The following DCLK1 variants were observed in gnomAD, a reference collection of about 807,000 sequenced individuals.
The protein encoded by DCLK1 is serine/threonine-protein kinase DCLK1.
In DCLK1, 16 loss-of-function variants were observed where a neutral mutation model predicts 86.2. The observed-to-expected ratio is 0.19, with a 90% CI of 0.13 to 0.28. The LOEUF is 0.28. DCLK1 is among the 10% of genes least tolerant of loss of function. DCLK1 has a pLI of 1.00. For synonymous variants in DCLK1, 369 were observed against 370.5 expected, an observed-to-expected ratio of 1.00 and a Z score of 0.05; for missense variants, 590 against 940.2, an observed-to-expected ratio of 0.63 and a Z score of 4.87.
chr13:36,054,028 A>G (rs1883214229), intron 3 of DCLK1, among the ~76,000 whole-genome samples: 1 of 152,212 alleles, frequency 6.6e-6, no homozygotes, highest in African/African-American at 2.4e-5. Flanking sequence ...ACACTTCTAC[A>G]TGTCTGATGA....
Position 35,907,570 on chromosome 13 carries a change from A to G in DCLK1, c.824-36230T>C, listed in dbSNP as rs563270647. On this transcript the variant is annotated intron_variant, in intron 4 of 16. Transcript: ENST00000360631. ...AATTGCTATTCTGTGATTCCCAAAT[A>G]AAACATTTAATTTAGAGATTTGTTT... 2.9e-3 allele frequency among the ~76,000 whole-genome samples: 443 copies of G among 152,294 alleles called. 1 individual carries two copies. The highest frequency in any genetic ancestry group is 4.1e-3 in the Non-Finnish European group (282 of 68,014).
chr13:35,933,893 G>C (rs1013567438), intron 4 of DCLK1, among the ~76,000 whole-genome samples: 1 of 152,206 alleles, frequency 6.6e-6, no homozygotes, highest in Admixed American at 6.5e-5. Flanking sequence ...CTCAGAAAAT[G>C]ATAGTTCCTT....
At chr13:36,007,043 A>AC (rs1881006264) in intron 3 of DCLK1, among the ~76,000 whole-genome samples, 1 of 152,198 alleles carries the variant, frequency 6.6e-6, no homozygotes, top group African/African-American at 2.4e-5. Flanking sequence ...TCAAGATCTT[A>AC]CCACTTAGGG....
chr13:36,022,339 C>T (rs1172874380), intron 3 of DCLK1, among the ~76,000 whole-genome samples: 1 of 151,998 alleles, frequency 6.6e-6, no homozygotes, highest in Non-Finnish European at 1.5e-5. Flanking sequence ...AATAATCTAA[C>T]TTTCCACTTA....
chr13:36,075,040 GA>G (rs1162803502), intron 3 of DCLK1, among the ~76,000 whole-genome samples: 2 of 152,294 alleles, frequency 1.3e-5, no homozygotes, highest in Non-Finnish European at 2.9e-5. Flanking sequence ...TTTAAGGGGG[GA>G]AAAACCCAAT....
intron 3 of DCLK1, among the ~76,000 whole-genome samples, chr13:36,065,347 T>C (rs935345057): frequency 1.3e-5 from 2 of 152,226 alleles, no homozygotes; most frequent in African/African-American, 4.8e-5. Context: ...TTAGCTGGTA[T>C]TCCAGTGACT....
chr13:35,946,876 T>C (rs532468432), intron 4 of DCLK1, among the ~76,000 whole-genome samples: 2 of 152,316 alleles, frequency 1.3e-5, no homozygotes, highest in South Asian at 4.1e-4. Flanking sequence ...AGCTAACTTC[T>C]CTTTTCTGAT....
At chr13:35,970,449 T>G (rs1392579949) in intron 3 of DCLK1, among the ~76,000 whole-genome samples, 5 of 152,242 alleles carry the variant, frequency 3.3e-5, no homozygotes, top group Admixed American at 3.3e-4. Flanking sequence ...CATGTTGAAA[T>G]TTAATCACCA....
chr13:35,943,038 C>T (rs905053511), intron 4 of DCLK1, among the ~76,000 whole-genome samples: 5 of 152,218 alleles, frequency 3.3e-5, no homozygotes, highest in African/African-American at 9.6e-5. Flanking sequence ...TGTTCCAGTC[C>T]GAATCCTGGT....
At position 35,845,910 on chromosome 13, in the gene DCLK1, C is replaced by A. The variant is rs533086949; in HGVS notation, c.1036-6734G>T. 1.0e-5 allele frequency: 10 copies of A among 984,886 alleles called. No homozygotes were observed. In the African/African-American group the frequency reaches 1.7e-4, roughly 17 times the overall value. The allele number at this position is 984,886 out of a possible 1,614,324, so 61.0% of individuals were successfully genotyped here. ...TCACTGAACAACATAGGCAGTTTTTCCTGTTTATTATATAGTTATTCTAAG... is the reference window on the plus strand; with the variant it reads ...TCACTGAACAACATAGGCAGTTTTTACTGTTTATTATATAGTTATTCTAAG... On this transcript the variant is annotated intron_variant, in intron 6 of 16. Coordinates refer to ENST00000360631, the MANE Select transcript of DCLK1 (RefSeq NM_001330071.2).
intron 3 of DCLK1, among the ~76,000 whole-genome samples, chr13:36,082,979 TGTCCACAAAA>T (rs1884470483): frequency 6.6e-6 from 1 of 151,386 alleles, no homozygotes; most frequent in Non-Finnish European, 1.5e-5. Context: ...GAATGGGCTC[TGTCCACAAAA>T]GTTGCTTCTT....
chr13:36,096,472 G>C (rs548199143), intron 3 of DCLK1, among the ~76,000 whole-genome samples: 1 of 152,092 alleles, frequency 6.6e-6, no homozygotes, highest in Non-Finnish European at 1.5e-5. Flanking sequence ...TTTACTGTAC[G>C]GCAGAATATT....
At chr13:36,076,091 A>G (rs9575246) in intron 3 of DCLK1, among the ~76,000 whole-genome samples, 23,088 of 152,180 alleles carry the variant, frequency 0.15, 2,363 homozygotes, top group East Asian at 0.44. Context: ...TATTCTCATC[A>G]TGCTTTAAAA....
At chr13:35,870,513 T>G (rs891022277) in intron 5 of DCLK1, among the ~76,000 whole-genome samples, 2 of 152,198 alleles carry the variant, frequency 1.3e-5, no homozygotes, top group African/African-American at 2.4e-5. Context: ...TAACAATCAC[T>G]TTGACATTTG....
chr13:35,900,382 A>C (rs1282873642), intron 4 of DCLK1, among the ~76,000 whole-genome samples: 1 of 152,002 alleles, frequency 6.6e-6, no homozygotes, highest in African/African-American at 2.4e-5. Context: ...CCGGGATTAC[A>C]GGCGTGCACC....
At chr13:35,900,795 T>C (rs890314592) in intron 4 of DCLK1, among the ~76,000 whole-genome samples, 3 of 152,150 alleles carry the variant, frequency 2.0e-5, no homozygotes, top group Admixed American at 1.3e-4. Context: ...CAAATGTACC[T>C]TGGGGGACAA....
chr13:36,017,088 A>C (rs1881564874), intron 3 of DCLK1, among the ~76,000 whole-genome samples: 1 of 152,210 alleles, frequency 6.6e-6, no homozygotes, highest in South Asian at 2.1e-4. Context: ...ATAAAATAAC[A>C]CATGAATCCC....
chr13:36,118,575 A>G (rs1447533990), intron 2 of DCLK1, among the ~76,000 whole-genome samples: 15 of 152,094 alleles, frequency 9.9e-5, no homozygotes, highest in African/African-American at 3.6e-4. Context: ...CTAGAAGCCA[A>G]TCAGTTGGAG....
chr13:35,873,277 A>T (rs762516223), intron 4 of DCLK1, among the ~76,000 whole-genome samples: 2 of 152,100 alleles, frequency 1.3e-5, no homozygotes, highest in African/African-American at 2.4e-5. Context: ...AAATAAAAAT[A>T]AAAAAATTAA....
Sources: gnomAD v4.1 joint callset for allele counts (sites outside exome capture counted in the v4.1 genomes callset) on GRCh38, gnomAD v4.1.1 for gene constraint, MANE v1.5 for transcripts, NCBI Gene and HGNC (gene_info 2026-07-23, HGNC 2026-07-21) for gene names.